MACROD2: variants seen among roughly 807,000 people sequenced by gnomAD.
The protein encoded by MACROD2 is ADP-ribose glycohydrolase MACROD2.
Under a neutral mutation model 70.4 loss-of-function variants are expected in MACROD2, and 36 were observed. The ratio of observed to expected loss-of-function variants is 0.51; its 90% CI spans 0.39 to 0.68. The LOEUF (loss-of-function observed/expected upper bound fraction) is 0.68. MACROD2 is among the 30% of genes least tolerant of loss of function. MACROD2 has a pLI of 0.00. For missense variants in MACROD2, 496 were observed against 538.4 expected (o/e 0.92, Z 0.78); for synonymous variants, 172 against 178.8 (o/e 0.96, Z 0.30).
At chr20:15,391,856 G>T (rs1339875068) in intron 6 of MACROD2, among the ~76,000 whole-genome samples, 5 of 152,148 alleles carry the variant, frequency 3.3e-5, no homozygotes, top group African/African-American at 9.7e-5. Flanking sequence ...TAAGAAAAAA[G>T]AATTGAGTTT....
intron 4 of MACROD2, among the ~76,000 whole-genome samples, chr20:14,615,873 G>A (rs2123439300): frequency 6.6e-6 from 1 of 152,268 alleles, no homozygotes; most frequent in South Asian, 2.1e-4. Context: ...GATGCAGGAG[G>A]CAGTGTAGAT....
At chr20:15,576,461 A>G (rs1208667912) in intron 8 of MACROD2, among the ~76,000 whole-genome samples, 4 of 152,132 alleles carry the variant, frequency 2.6e-5, no homozygotes, top group Non-Finnish European at 5.9e-5. Context: ...CAAAAGGCCA[A>G]AGTTTTTCTA....
In MACROD2 at chr20:15,220,991, C is replaced by T. The variant is rs1384360085; in HGVS notation, c.419-8949C>T. ...CACGGGAGTGGTAAAGGAATGCTGA[C>T]GACAAGCACATGCAACCTCAGCATC... is the stretch of plus-strand genomic sequence containing the variant. On this transcript the variant is annotated intron_variant, in intron 5 of 17. Transcript: ENST00000684519. Among the ~76,000 whole-genome samples, 5 of 152,140 alleles carry T rather than the reference C, an allele frequency of 3.3e-5. No individual in the cohort carries two copies. The East Asian group carries it at 5.8e-4, about 18-fold the overall frequency.
chr20:14,379,090 A>G (rs2083398879), intron 3 of MACROD2, among the ~76,000 whole-genome samples: 1 of 152,198 alleles, frequency 6.6e-6, no homozygotes, highest in Non-Finnish European at 1.5e-5. Context: ...TAAGTACTTT[A>G]GAGATATTAA....
At chr20:14,682,872 T>G (rs1244571157) in intron 4 of MACROD2, among the ~76,000 whole-genome samples, 1 of 152,140 alleles carries the variant, frequency 6.6e-6, no homozygotes, top group Non-Finnish European at 1.5e-5. Flanking sequence ...AGAAAAAACT[T>G]TATTTTTATT....
At chr20:14,980,311 A>G (rs2074785369) in intron 5 of MACROD2, among the ~76,000 whole-genome samples, 1 of 152,158 alleles carries the variant, frequency 6.6e-6, no homozygotes, top group Non-Finnish European at 1.5e-5. Context: ...GACTTGAAAG[A>G]GAGACCTGAG....
chr20:15,544,041 G>A (rs1473649445), intron 8 of MACROD2, among the ~76,000 whole-genome samples: 2 of 152,170 alleles, frequency 1.3e-5, no homozygotes, highest in African/African-American at 4.8e-5. Flanking sequence ...CACACTGTGG[G>A]GAAGTACAGT....
chr20:15,347,038 C>T (rs1303660470), intron 6 of MACROD2, among the ~76,000 whole-genome samples: 1 of 152,174 alleles, frequency 6.6e-6, no homozygotes, highest in Non-Finnish European at 1.5e-5. Flanking sequence ...TCTTTCCTTG[C>T]TGCCTTCACA....
chr20:13,995,908 C>A lies in MACROD2; in HGVS notation c.46+99C>A. The A allele has an allele frequency of 2.1e-6, 3 of 1,396,762 alleles. No individual in the cohort carries two copies. Among genetic ancestry groups the A allele is most frequent in the South Asian group, 1.2e-5 (1 of 80,218 alleles). 86.5% of individuals were successfully genotyped at this position (1,396,762 alleles called of 1,614,324 possible). ...CCGCGGCGCCCTCCGCCCGAGCTCC[C>A]GCCTCGCGCCCTCCCGGCCGGTGCC... On this transcript the variant is annotated intron_variant, in intron 1 of 17. Transcript: ENST00000684519. The surrounding 1 kb of genome is among the most constrained non-coding windows in gnomAD (Gnocchi z 4.3).
At chr20:14,747,826 A>G (rs79820819) in intron 5 of MACROD2, among the ~76,000 whole-genome samples, 47 of 152,214 alleles carry the variant, frequency 3.1e-4, no homozygotes, top group Middle Eastern at 6.8e-3. Context: ...TGGAAGAGAA[A>G]GTGAACTTCT....
chr20:15,500,339 C>A (rs570959223), intron 8 of MACROD2, among the ~76,000 whole-genome samples: 1 of 152,050 alleles, frequency 6.6e-6, no homozygotes, highest in East Asian at 1.9e-4. Context: ...TCGTTATGAG[C>A]GGGATTTCTT....
intron 1 of MACROD2, among the ~76,000 whole-genome samples, chr20:13,998,536 G>C (rs1278890651): frequency 6.6e-6 from 1 of 151,902 alleles, no homozygotes; most frequent in Non-Finnish European, 1.5e-5. Flanking sequence ...GCACTGCTTT[G>C]GCATACTGCT....
chr20:14,446,656 C>T (rs1218090812), intron 3 of MACROD2, among the ~76,000 whole-genome samples: 2 of 152,042 alleles, frequency 1.3e-5, no homozygotes, highest in Non-Finnish European at 2.9e-5. Context: ...AGAGTGGCAA[C>T]TTGAGGCTAA....
chr20:15,951,314 C>A (rs1280266427), intron 12 of MACROD2, among the ~76,000 whole-genome samples: 1 of 135,570 alleles, frequency 7.4e-6, no homozygotes, highest in Non-Finnish European at 1.6e-5. Flanking sequence ...TAGACACACA[C>A]ACACACACAC....
At chr20:14,514,417 C>T (rs532826474) in intron 4 of MACROD2, among the ~76,000 whole-genome samples, 2 of 152,214 alleles carry the variant, frequency 1.3e-5, no homozygotes, top group South Asian at 4.1e-4. Context: ...TCCCTGTCAG[C>T]TGACTGGCTA....
chr20:16,045,094 C>T (rs1420339594), intron 17 of MACROD2, among the ~76,000 whole-genome samples: 4 of 152,122 alleles, frequency 2.6e-5, no homozygotes, highest in Non-Finnish European at 5.9e-5. Context: ...CAGAAACAAG[C>T]CTGCCTTAGG....
At chr20:15,388,397 C>T (rs925991668) in intron 6 of MACROD2, among the ~76,000 whole-genome samples, 2 of 151,952 alleles carry the variant, frequency 1.3e-5, no homozygotes, top group African/African-American at 4.8e-5. Flanking sequence ...GAAAGGAAAC[C>T]ATATTATTTA....
At chr20:15,842,702 G>A (rs1416858708) in intron 8 of MACROD2, among the ~76,000 whole-genome samples, 2 of 97,554 alleles carry the variant, frequency 2.1e-5, no homozygotes, top group Non-Finnish European at 4.4e-5. Context: ...TGGATGGGGG[G>A]TGGGTGGATG....
chr20:15,168,439 G>C (rs940096772), intron 5 of MACROD2, among the ~76,000 whole-genome samples: 9 of 134,060 alleles, frequency 6.7e-5, no homozygotes, highest in Non-Finnish European at 1.4e-4. Context: ...CCACATTGTG[G>C]GATGTGTGTG....
Sources: gnomAD v4.1 joint callset for allele counts (sites outside exome capture counted in the v4.1 genomes callset) on GRCh38, gnomAD v4.1.1 for gene constraint, Gnocchi (gnomAD v3.1) non-coding constraint, MANE v1.5 for transcripts, NCBI Gene and HGNC (gene_info 2026-07-23, HGNC 2026-07-21) for gene names.